The following RDH12 variants were observed in gnomAD, a reference collection of about 807,000 sequenced individuals.
The protein encoded by RDH12 is retinol dehydrogenase 12, also known as all-trans and 9-cis retinol dehydrogenase.
Under a neutral mutation model 34.0 loss-of-function variants are expected in RDH12, and 21 were observed. The ratio of observed to expected loss-of-function variants is 0.62; its 90% CI spans 0.44 to 0.89. The LOEUF (loss-of-function observed/expected upper bound fraction) is 0.89, where lower values mean the gene tolerates loss of function less well. Ranked by LOEUF, RDH12 falls within the 40% of genes least tolerant of loss-of-function variation. The pLI, the probability that RDH12 is intolerant of heterozygous loss-of-function variation, is 0.00. For synonymous variants in RDH12, 198 were observed against 169.9 expected (o/e 1.17, Z -1.29); for missense variants, 394 against 398.6 (o/e 0.99, Z 0.10).
rs147405960 is a variant in RDH12, at chr14:67,731,340, G to A, written c.848+1960G>A. Among the ~76,000 whole-genome samples, 500 of 149,536 alleles carry A rather than the reference G, an allele frequency of 3.3e-3. 2 individuals carry two copies. Among genetic ancestry groups the A allele is most frequent in the African/African-American group, 0.012 (481 of 40,584 alleles). On this transcript the variant is annotated intron_variant, in intron 8 of 8. Transcript: ENST00000551171. ...AGGGATCCTCCTGCCTCAGCCTCCC[G>A]AGTAGCTGGGATTACAGGTGCATGC... is the stretch of plus-strand genomic sequence containing the variant.
intron 1 of RDH12, among the ~76,000 whole-genome samples, chr14:67,708,299 C>T (rs902413580): frequency 1.3e-5 from 2 of 152,146 alleles, no homozygotes; most frequent in Non-Finnish European, 2.9e-5. Context: ...TTAGTTTATG[C>T]AGTTAATCCT....
At chr14:67,707,918 G>T (rs1049734217) in intron 1 of RDH12, among the ~76,000 whole-genome samples, 2 of 150,580 alleles carry the variant, frequency 1.3e-5, no homozygotes, top group African/African-American at 2.4e-5. Flanking sequence ...TTTTTCCAAG[G>T]GGCTATCTTG....
At chr14:67,710,547 C>T (rs1471609104) in intron 1 of RDH12, among the ~76,000 whole-genome samples, 3 of 152,112 alleles carry the variant, frequency 2.0e-5, no homozygotes, top group Admixed American at 2.0e-4. Flanking sequence ...ATTTACCACA[C>T]AATATTCTTT....
chr14:67,724,420 A>G, intron 3 of RDH12, 53 bp from the exon 4 acceptor site: 2 of 929,352 alleles, frequency 2.2e-6, no homozygotes, highest in Non-Finnish European at 3.4e-6. Context: ...AACGTATCTT[A>G]GTGTGAGCTC....
At chr14:67,708,099 A>C (rs1301592109) in intron 1 of RDH12, among the ~76,000 whole-genome samples, 1 of 152,226 alleles carries the variant, frequency 6.6e-6, no homozygotes, top group Non-Finnish European at 1.5e-5. Context: ...AATAATTTCC[A>C]AATTCTGGAG....
At chr14:67,730,526 G>A (rs1459460227) in intron 8 of RDH12, among the ~76,000 whole-genome samples, 1 of 152,152 alleles carries the variant, frequency 6.6e-6, no homozygotes, top group Non-Finnish European at 1.5e-5. Context: ...GATTTTTGGG[G>A]TTTGAGATGC....
In RDH12 at chr14:67,729,520, G is replaced by T; in HGVS notation, c.848+140G>T. On this transcript the variant is annotated intron_variant, in intron 8 of 8. Coordinates refer to ENST00000551171, the MANE Select transcript of RDH12 (RefSeq NM_152443.3). ...GGGTTGGGCCTGCAAACAGAATGCC[G>T]TTGCTTTGTTAAGGAAACTTACAGT... 3.7e-6 allele frequency: 3 copies of T among 801,562 alleles called. No individual in the cohort carries two copies. In the South Asian group the frequency reaches 4.3e-5, roughly 12 times the overall value. The allele number at this position is 801,562 out of a possible 1,614,324, so 49.7% of individuals were successfully genotyped here. A position where few individuals can be genotyped will look rare whatever the true frequency, so the allele number is the denominator to read the frequency against.
At chr14:67,706,102 G>C (rs2037947595) in intron 1 of RDH12, 1 of 152,264 alleles carries the variant, frequency 6.6e-6, no homozygotes, top group Non-Finnish European at 1.5e-5. Context: ...GACCTCCTGG[G>C]AGCAGGGGAC....
chr14:67,705,425 G>A (rs964868384), intron 1 of RDH12, among the ~76,000 whole-genome samples: 6 of 152,306 alleles, frequency 3.9e-5, no homozygotes, highest in Middle Eastern at 3.4e-3. Context: ...GAGACTCATC[G>A]TAAGATTCTT....
At chr14:67,716,586 T>C (rs1181745238) in intron 1 of RDH12, among the ~76,000 whole-genome samples, 4 of 152,178 alleles carry the variant, frequency 2.6e-5, no homozygotes, top group East Asian at 3.8e-4. Context: ...TTTGTAATAG[T>C]TTAAAGAATT....
At chr14:67,731,768 T>G (rs1286020555) in intron 8 of RDH12, among the ~76,000 whole-genome samples, 1 of 151,968 alleles carries the variant, frequency 6.6e-6, no homozygotes, top group Admixed American at 6.6e-5. Flanking sequence ...CCAGGGAGTT[T>G]TAGGGAGAGC....
At chr14:67,724,389 A>C in intron 3 of RDH12, 84 bp from the exon 4 acceptor site, 1 of 852,058 alleles carries the variant, frequency 1.2e-6, no homozygotes, top group Non-Finnish European at 1.8e-6. Context: ...GAGGCTGGAT[A>C]GAGTTTTTTT....
chr14:67,710,895 T>C (rs1044315107), intron 1 of RDH12, among the ~76,000 whole-genome samples: 14 of 152,204 alleles, frequency 9.2e-5, no homozygotes, highest in African/African-American at 3.4e-4. Context: ...ATTTTCATTG[T>C]TTACCTAGAT....
intron 2 of RDH12, among the ~76,000 whole-genome samples, chr14:67,721,183 A>G (rs2038119500): frequency 6.6e-6 from 1 of 152,162 alleles, no homozygotes; most frequent in Non-Finnish European, 1.5e-5. Context: ...ACAGGAAGGG[A>G]CAGAACTGGG....
At chr14:67,718,300 G>A (rs912982735) in intron 1 of RDH12, among the ~76,000 whole-genome samples, 1 of 152,202 alleles carries the variant, frequency 6.6e-6, no homozygotes, top group African/African-American at 2.4e-5. Flanking sequence ...TAGGGAAGAG[G>A]AGAAGGAGGA....
intron 8 of RDH12, among the ~76,000 whole-genome samples, chr14:67,731,403 T>G (rs550648791): frequency 6.6e-6 from 1 of 151,796 alleles, no homozygotes; most frequent in African/African-American, 2.4e-5. Context: ...CTAGTAGAGA[T>G]GGAGTTTTGC....
Position 67,724,470 on chromosome 14 carries a change from TAGG to T in RDH12, c.69-1_70del. On this transcript the variant is annotated splice_acceptor_variant and coding_sequence_variant, in exon 4 of 9. Transcript: ENST00000551171. LOFTEE classifies it high-confidence loss of function. ...GTGATGCTCTTGTTTCCCTTGCCGA[TAGG>T]AAGTTCTTTGCTGGTGGAGTGTGTA... The T allele has an allele frequency of 6.3e-7, 1 of 1,591,356 alleles. No individual in the cohort carries two copies. Among genetic ancestry groups the T allele is most frequent in the Non-Finnish European group, 8.6e-7 (1 of 1,166,216 alleles).
intron 8 of RDH12, chr14:67,729,827 A>T: frequency 2.1e-6 from 1 of 473,924 alleles, no homozygotes; most frequent in Non-Finnish European, 4.2e-6. Context: ...TATCTGTTGA[A>T]ATATAGAAGT....
chr14:67,724,667 C>A, intron 4 of RDH12, 76 bp downstream of exon 4: 3 of 1,128,788 alleles, frequency 2.7e-6, no homozygotes, highest in Non-Finnish European at 4.0e-6. Flanking sequence ...GTCCATATTG[C>A]TTTGTGTTTC....
Sources: gnomAD v4.1 joint callset for allele counts (sites outside exome capture counted in the v4.1 genomes callset) on GRCh38, gnomAD v4.1.1 for gene constraint, MANE v1.5 for transcripts, NCBI Gene and HGNC (gene_info 2026-07-23, HGNC 2026-07-21) for gene names.